The following TUBGCP2 variants were observed in gnomAD, a reference collection of about 807,000 sequenced individuals.
The protein encoded by TUBGCP2 is tubulin gamma complex component 2.
A neutral mutation model predicts 92.2 loss-of-function variants in TUBGCP2; 55 were observed. That is an observed-to-expected ratio of 0.60 (90% CI 0.48 to 0.75). TUBGCP2 has a LOEUF of 0.75. Among genes scored for constraint, TUBGCP2 ranks in the 30% least tolerant of loss-of-function variants. TUBGCP2 has a pLI of 0.00. For missense variants in TUBGCP2, 1,093 were observed against 1,188.9 expected, an observed-to-expected ratio of 0.92 and a Z score of 1.19; for synonymous variants, 533 against 505.2, an observed-to-expected ratio of 1.06 and a Z score of -0.74.
Position 133,300,067 on chromosome 10 carries a change from T to C in TUBGCP2, c.197A>G (p.Lys66Arg), listed in dbSNP as rs747067278. Reference sequence around the variant, plus strand: ...ATTTTTAGATTTCAGTTCATCATATTTCTTTAGAAAGTCTTCTGGAGTACG... The same window carrying C: ...ATTTTTAGATTTCAGTTCATCATATCTCTTTAGAAAGTCTTCTGGAGTACG... The part of the protein sequence containing the change: ...FSRTPEDFLK[K>R]YDELKSKNTR... The change falls in exon 3 of 18, where the codon AAA (lysine) becomes AGA (arginine). Residue 66 changes from lysine (K) to arginine (R), a missense_variant. Lys to Arg is a conservative substitution (Grantham distance 26). Transcript: ENST00000252936. 1.2e-6 allele frequency: 2 copies of C among 1,614,064 alleles called. No homozygotes were observed. The highest frequency in any genetic ancestry group is 2.2e-5 in the South Asian group (2 of 91,084).
chr10:133,309,978 GT>G (rs1422740628), upstream of TUBGCP2: 2 of 1,612,678 alleles, frequency 1.2e-6, no homozygotes, highest in Non-Finnish European at 1.7e-6. Flanking sequence ...GCAGGACATG[GT>G]GGGTGACAAC....
rs1459284619 is a variant in TUBGCP2, at chr10:133,289,913, T to C, written c.1271A>G (p.Asn424Ser). 6.2e-7 allele frequency: 1 copy of C among 1,614,258 alleles called. No individual in the cohort carries two copies. The highest frequency in any genetic ancestry group is 1.6e-4 in the Middle Eastern group (1 of 6,062). Residue 424 changes from asparagine to serine, a missense_variant, in exon 9 of 18, where the codon AAC becomes AGC. By Grantham distance (46) the Asn-to-Ser change is conservative (BLOSUM62 1). Around this residue, in one of 3 missense-constraint regions of TUBGCP2, gnomAD observed 598 missense variants for 675.5 expected, o/e 0.89. Coordinates refer to ENST00000252936, the MANE Select transcript of TUBGCP2 (RefSeq NM_006659.4). ...LRKERIQEDY[N>S]DKYWDQRYTI... ...GTACCGCTGGTCCCAGTACTTGTCG[T>C]TGTAATCCTCCTGGATCCTCTCCTT... is the stretch of plus-strand genomic sequence containing the variant.
chr10:133,292,935 TG>T, intron 7 of TUBGCP2, 103 bp downstream of exon 7: 1 of 1,352,190 alleles, frequency 7.4e-7, no homozygotes, highest in Non-Finnish European at 1.0e-6. Context: ...GCCCCTGCCC[TG>T]GGCAGCTGCT....
At chr10:133,300,477 G>C in intron 2 of TUBGCP2, 1 of 203,716 alleles carries the variant, frequency 4.9e-6, no homozygotes, top group East Asian at 1.2e-4. Context: ...GGGAAGCTGA[G>C]ATGGGAGGAT....
At position 133,288,200 on chromosome 10, in the gene TUBGCP2, G is replaced by A. The variant is rs768063061; in HGVS notation, c.1651C>T (p.Leu551=). The A allele has an allele frequency of 6.2e-7, 1 of 1,613,920 alleles. No individual in the cohort carries two copies. Among genetic ancestry groups the A allele is most frequent in the Non-Finnish European group, 8.5e-7 (1 of 1,179,962 alleles). ...KPVEDITPPR[L]EALLELALRM... Reference sequence around the variant, plus strand: ...AGCGCCAGCTCCAGGAGCGCTTCCAGGCGAGGGGGCGTGATGTCCTCCACC... The same window carrying A: ...AGCGCCAGCTCCAGGAGCGCTTCCAAGCGAGGGGGCGTGATGTCCTCCACC... The change falls in exon 11 of 18, where the codon CTG becomes TTG. Residue 551 remains leucine (L), a synonymous_variant. Transcript: ENST00000252936.
At chr10:133,299,674 G>T in intron 3 of TUBGCP2, 71 bp from the exon 4 acceptor site, 2 of 1,356,622 alleles carry the variant, frequency 1.5e-6, no homozygotes, top group Non-Finnish European at 2.0e-6. Context: ...GAGTAGGGAC[G>T]ACACCACCAG....
intron 5 of TUBGCP2, among the ~76,000 whole-genome samples, chr10:133,294,421 C>T (rs1017931259): frequency 7.2e-5 from 11 of 152,192 alleles, no homozygotes; most frequent in Non-Finnish European, 1.3e-4. Context: ...CAGACCATAC[C>T]CAAACCAGGC....
At chr10:133,312,028 C>T (rs1307756762), upstream of TUBGCP2, 15 of 1,538,420 alleles carry the variant, frequency 9.8e-6, no homozygotes, top group South Asian at 3.6e-5. Context: ...TAGTTTCTCT[C>T]GCATACTCTG....
chr10:133,297,432 C>A (rs561817140), intron 5 of TUBGCP2: 3 of 452,074 alleles, frequency 6.6e-6, no homozygotes, highest in Admixed American at 4.8e-5. Flanking sequence ...TAAAAATGTA[C>A]CCATGAATTG....
intron 16 of TUBGCP2, 74 bp downstream of exon 16, chr10:133,282,149 T>C: frequency 6.2e-7 from 1 of 1,603,168 alleles, no homozygotes; most frequent in Non-Finnish European, 8.5e-7. Flanking sequence ...TTGTTCTCCC[T>C]GCGTCAGGAT....
At chr10:133,312,218 C>CACCTGTGCCGTCTGCCTTCCTAGCATG (rs1248493447), upstream of TUBGCP2, 11 of 1,382,868 alleles carry the variant, frequency 8.0e-6, no homozygotes, top group Admixed American at 6.4e-5. Context: ...TTTCTAGCGT[C>CACCTGTGCCGTCTGCCTTCCTAGCATG]ACCTGTGCCG....
chr10:133,309,469 C>T, upstream of TUBGCP2: 1 of 1,611,370 alleles, frequency 6.2e-7, no homozygotes, highest in Non-Finnish European at 8.5e-7. Flanking sequence ...CCCAGGTAAG[C>T]GAATGGGCAG....
chr10:133,303,863 A>G (rs1847740850), intron 1 of TUBGCP2, among the ~76,000 whole-genome samples: 1 of 152,204 alleles, frequency 6.6e-6, no homozygotes, highest in African/African-American at 2.4e-5. Context: ...GACATATAAC[A>G]CATATGAGAT....
chr10:133,298,196 T>C (rs1564771655), intron 4 of TUBGCP2, 85 bp from the exon 5 acceptor site: 2 of 1,431,214 alleles, frequency 1.4e-6, no homozygotes, highest in East Asian at 2.4e-5. Flanking sequence ...GAAGCTAGCA[T>C]CTACGGCAAA....
chr10:133,288,736 A>C, intron 10 of TUBGCP2, 104 bp downstream of exon 10: 1 of 1,312,374 alleles, frequency 7.6e-7, no homozygotes, highest in Non-Finnish European at 1.0e-6. Flanking sequence ...CAAAAAGACA[A>C]GGCGGAGCTG....
upstream of TUBGCP2, chr10:133,308,961 G>T (rs1302117515): frequency 8.1e-7 from 1 of 1,239,364 alleles, no homozygotes; most frequent in African/African-American, 1.6e-5. Context: ...TGCCCCCCGC[G>T]CTGTGCGCCC....
intron 16 of TUBGCP2, among the ~76,000 whole-genome samples, chr10:133,281,782 GCCAGCT>G (rs927062701): frequency 9.2e-5 from 14 of 152,198 alleles, no homozygotes; most frequent in Non-Finnish European, 1.9e-4. Flanking sequence ...ACTCCTCTCT[GCCAGCT>G]CCAGCTCCAG....
intron 17 of TUBGCP2, 147 bp from the exon 18 acceptor site, chr10:133,280,048 G>A (rs1364591180): frequency 1.1e-5 from 15 of 1,322,098 alleles, no homozygotes; most frequent in Non-Finnish European, 1.5e-5. Flanking sequence ...GGACAGTGGA[G>A]CTGGGGCACA....
chr10:133,282,487 G>C, intron 15 of TUBGCP2, 145 bp from the exon 16 acceptor site: 2 of 1,192,790 alleles, frequency 1.7e-6, no homozygotes, highest in South Asian at 3.3e-5. Flanking sequence ...TGAGGCTGCA[G>C]GGGAAATGAC....
Sources: allele counts gnomAD v4.1 joint callset (sites outside exome capture counted in the v4.1 genomes callset), GRCh38; gene constraint gnomAD v4.1.1; regional missense constraint gnomAD v4.1.1; transcripts MANE v1.5; gene names NCBI Gene and HGNC (gene_info 2026-07-23, HGNC 2026-07-21).